PRR5L: variants seen among roughly 807,000 people sequenced by gnomAD.
PRR5L encodes proline-rich protein 5-like.
PRR5L carries 21 observed loss-of-function variants against 36.4 expected under a neutral mutation model. That is an observed-to-expected ratio of 0.58 (90% CI 0.41 to 0.83). The LOEUF (loss-of-function observed/expected upper bound fraction) is 0.83, where lower values mean the gene tolerates loss of function less well. PRR5L is among the 40% of genes least tolerant of loss of function. The pLI is 0.00. For missense variants in PRR5L, 381 were observed against 473.3 expected (o/e 0.80, Z 1.81); for synonymous variants, 188 against 197.0 (o/e 0.95, Z 0.38).
chr11:36,366,475 TA>T (rs1386287167), intron 1 of PRR5L, among the ~76,000 whole-genome samples: 1 of 152,156 alleles, frequency 6.6e-6, no homozygotes, highest in African/African-American at 2.4e-5. Flanking sequence ...ACTTAGAGTA[TA>T]ATGTAAATTC....
chr11:36,449,694 A>G (rs1858904653), intron 7 of PRR5L, among the ~76,000 whole-genome samples: 1 of 152,050 alleles, frequency 6.6e-6, no homozygotes, highest in Admixed American at 6.6e-5. Context: ...ACTCTTAATG[A>G]TTTTTGAACA....
chr11:36,369,055 G>A (rs1468031180), intron 1 of PRR5L, among the ~76,000 whole-genome samples: 4 of 152,292 alleles, frequency 2.6e-5, no homozygotes, highest in Middle Eastern at 3.4e-3. Context: ...GGGTTTCAGG[G>A]TGCACAAAAG....
chr11:36,456,554 C>A (rs1564955279), intron 8 of PRR5L, among the ~76,000 whole-genome samples: 1 of 152,244 alleles, frequency 6.6e-6, no homozygotes, highest in Non-Finnish European at 1.5e-5. Flanking sequence ...CTGACATTTG[C>A]CACACTGACC....
chr11:36,324,169 T>C (rs1489895371), intron 1 of PRR5L, among the ~76,000 whole-genome samples: 1 of 152,168 alleles, frequency 6.6e-6, no homozygotes, highest in African/African-American at 2.4e-5. Context: ...AGATAATGAA[T>C]AAATTATGAC....
chr11:36,298,747 A>G (rs1565369867), intron 1 of PRR5L, among the ~76,000 whole-genome samples: 1 of 152,160 alleles, frequency 6.6e-6, no homozygotes, highest in Non-Finnish European at 1.5e-5. Flanking sequence ...ATTTTCTCCC[A>G]GTTCTGGAGG....
chr11:36,383,498 TA>T (rs1389189714), intron 1 of PRR5L, among the ~76,000 whole-genome samples: 6 of 152,176 alleles, frequency 3.9e-5, no homozygotes, highest in African/African-American at 1.4e-4. Flanking sequence ...CTCCAGTATT[TA>T]AAAGTTGGGA....
intron 1 of PRR5L, among the ~76,000 whole-genome samples, chr11:36,372,388 C>T (rs181985368): frequency 9.7e-4 from 147 of 152,314 alleles, no homozygotes; most frequent in Non-Finnish European, 1.6e-3. Flanking sequence ...AAGGCAGCCT[C>T]TCAGGGAGGG....
rs1857784443 is a variant in PRR5L at position 36,401,141 on chromosome 11, C to G, written c.20C>G (p.Pro7Arg). The change falls in exon 2 of 9, where the codon CCC (proline) becomes CGC (arginine). Residue 7 changes from proline (P) to arginine (R), a missense_variant. By Grantham distance (103) the Pro-to-Arg change is moderately radical. Coordinates refer to ENST00000530639, the MANE Select transcript of PRR5L (RefSeq NM_001160167.2). ...GGACTTATGACCCGCGGCTTCGCTC[C>G]CATTCTGCCCGTCGAGTTCCACAAG... MTRGFAPILPVEFHKMG... is the reference protein window; with the variant it reads MTRGFARILPVEFHKMG... 1.9e-6 allele frequency: 3 copies of G among 1,614,164 alleles called. No homozygotes were observed. In the East Asian group the frequency reaches 6.7e-5, roughly 36 times the overall value.
intron 3 of PRR5L, among the ~76,000 whole-genome samples, chr11:36,413,762 G>A (rs1253939044): frequency 2.0e-5 from 3 of 149,864 alleles, no homozygotes; most frequent in African/African-American, 7.5e-5. Context: ...TGCACAATGT[G>A]CAGGTTAGTT....
intron 8 of PRR5L, among the ~76,000 whole-genome samples, chr11:36,456,548 C>T (rs151230226): frequency 9.8e-5 from 15 of 152,358 alleles, no homozygotes; most frequent in East Asian, 3.9e-4. Flanking sequence ...TCTGACCTGA[C>T]ATTTGCCACA....
At chr11:36,399,815 C>CCAAAGGTGTAAAGGAAAGAAAGAAATT (rs1330702711) in intron 1 of PRR5L, among the ~76,000 whole-genome samples, 9 of 152,174 alleles carry the variant, frequency 5.9e-5, no homozygotes, top group African/African-American at 2.2e-4. Context: ...AATTACAGGT[C>CCAAAGGTGTAAAGGAAAGAAAGAAATT]CAAAGGTGTA....
chr11:36,396,822 C>T (rs1022905662), intron 1 of PRR5L, among the ~76,000 whole-genome samples: 37 of 152,102 alleles, frequency 2.4e-4, no homozygotes, highest in African/African-American at 8.7e-4. Flanking sequence ...CTCCTCTTGC[C>T]CCATCAAATA....
chr11:36,346,440 G>A (rs910326708), intron 1 of PRR5L, among the ~76,000 whole-genome samples: 3 of 152,068 alleles, frequency 2.0e-5, no homozygotes, highest in East Asian at 1.9e-4. Flanking sequence ...AAAATTAGCC[G>A]GGCGTGGTGG....
chr11:36,427,291 G>C (rs528283038), intron 4 of PRR5L, among the ~76,000 whole-genome samples: 4 of 152,156 alleles, frequency 2.6e-5, no homozygotes, highest in Non-Finnish European at 5.9e-5. Context: ...ATGGGGTGGG[G>C]AGAGGATGCA....
At chr11:36,357,294 T>A (rs1857038035) in intron 1 of PRR5L, among the ~76,000 whole-genome samples, 1 of 152,208 alleles carries the variant, frequency 6.6e-6, no homozygotes, top group African/African-American at 2.4e-5. Flanking sequence ...CCTGTCTCCA[T>A]TACATAAAAG....
At chr11:36,418,262 G>A (rs1053085291) in intron 3 of PRR5L, among the ~76,000 whole-genome samples, 3 of 152,092 alleles carry the variant, frequency 2.0e-5, no homozygotes, top group African/African-American at 4.8e-5. Flanking sequence ...CCCTGCTGTG[G>A]TCCCCTTGGA....
chr11:36,374,970 T>C (rs951668035), intron 1 of PRR5L, among the ~76,000 whole-genome samples: 4 of 152,102 alleles, frequency 2.6e-5, no homozygotes, highest in African/African-American at 9.7e-5. Context: ...CACGGTGGCT[T>C]ATGCCTATAA....
intron 6 of PRR5L, among the ~76,000 whole-genome samples, chr11:36,439,041 C>T (rs905035686): frequency 1.3e-5 from 2 of 152,168 alleles, no homozygotes; most frequent in African/African-American, 2.4e-5. Context: ...TCAAATTTAA[C>T]TGGGCATCCC....
chr11:36,359,134 A>T (rs1857058492), intron 1 of PRR5L, among the ~76,000 whole-genome samples: 1 of 152,196 alleles, frequency 6.6e-6, no homozygotes. Context: ...TGGACAAATA[A>T]GTCACTTCAT....
Sources: gnomAD v4.1 joint callset for allele counts (sites outside exome capture counted in the v4.1 genomes callset) on GRCh38, gnomAD v4.1.1 for gene constraint, MANE v1.5 for transcripts, NCBI Gene and HGNC (gene_info 2026-07-23, HGNC 2026-07-21) for gene names.